Variants in NHSL1 observed in about 807,000 individuals in gnomAD.
NHSL1 encodes the protein NHS like 1, also known as NHS-like protein 1.
In NHSL1, 48 loss-of-function variants were observed where a neutral mutation model predicts 95.0. That is an observed-to-expected ratio of 0.51 (90% CI 0.40 to 0.64). The LOEUF is 0.64. Ranked by LOEUF, NHSL1 falls within the 30% of genes least tolerant of loss-of-function variation. The pLI is 0.00. For missense variants in NHSL1, 1,971 were observed against 2,077.7 expected, an observed-to-expected ratio of 0.95 and a Z score of 1.00; for synonymous variants, 783 against 833.9, an observed-to-expected ratio of 0.94 and a Z score of 1.05.
intron 1 of NHSL1, among the ~76,000 whole-genome samples, chr6:138,580,306 T>C (rs369219866): frequency 3.6e-4 from 55 of 152,316 alleles, no homozygotes; most frequent in Non-Finnish European, 4.0e-4. Context: ...AAATGTGTTG[T>C]AGGAGACAGA....
chr6:138,616,690 C>T (rs913477407), intron 1 of NHSL1, among the ~76,000 whole-genome samples: 3 of 152,124 alleles, frequency 2.0e-5, no homozygotes, highest in African/African-American at 7.2e-5. Context: ...CCTGACAACA[C>T]CTGAACCCAA....
intron 1 of NHSL1, among the ~76,000 whole-genome samples, chr6:138,664,910 T>A (rs576879721): frequency 1.3e-5 from 2 of 152,274 alleles, no homozygotes; most frequent in South Asian, 4.1e-4. Context: ...TAGCTTTTTA[T>A]CTTAAGACAT....
chr6:138,496,278 G>T lies in NHSL1; in HGVS notation c.152C>A (p.Pro51His), dbSNP rs1210240715. 1.9e-6 allele frequency: 3 copies of T among 1,550,846 alleles called. No homozygotes were observed. The highest frequency in any genetic ancestry group is 1.4e-5 in the African/African-American group (1 of 73,002). ...QENVFLPTTR[P>H]PCVEDLHRQA... Reference sequence around the variant, plus strand: ...GCGGTGCAGGTCCTCAACACAGGGGGGTCTTGTGGTGGGAAGGAACACATT... The same window carrying T: ...GCGGTGCAGGTCCTCAACACAGGGGTGTCTTGTGGTGGGAAGGAACACATT... The change falls in exon 2 of 8, where the codon CCC becomes CAC. Residue 51 changes from proline (P) to histidine (H), a missense_variant. Physicochemically the swap from Pro to His is moderately conservative, Grantham distance 77. This residue lies in a region of NHSL1 where 1,602 missense variants were observed against 1,654.5 expected (regional missense o/e 0.97). Transcript: ENST00000343505.
At chr6:138,425,633 G>A (rs569707826) in intron 7 of NHSL1, among the ~76,000 whole-genome samples, 137 of 152,234 alleles carry the variant, frequency 9.0e-4, no homozygotes, top group African/African-American at 3.2e-3. Flanking sequence ...GGGCTGATCC[G>A]GAGTGAATTT....
intron 1 of NHSL1, among the ~76,000 whole-genome samples, chr6:138,540,657 T>G (rs1401604474): frequency 6.6e-6 from 1 of 152,204 alleles, no homozygotes; most frequent in East Asian, 1.9e-4. Flanking sequence ...TAATATGAAC[T>G]GCCCTTGTGG....
chr6:138,436,671 G>T lies in NHSL1; in HGVS notation c.665-2991C>A, dbSNP rs1266329440. On this transcript the variant is annotated intron_variant, in intron 5 of 7. Transcript: ENST00000343505. ...TAGATGAAACGACCTTCTAGTGGAA[G>T]ATGTCATCTAGGACTTTCAAAGCTA... Among the ~76,000 whole-genome samples, 3 of 152,358 alleles carry T rather than the reference G, an allele frequency of 2.0e-5. No homozygotes were observed. The East Asian group carries it at 5.8e-4, about 29-fold the overall frequency.
chr6:138,514,192 C>A (rs1169401988), intron 1 of NHSL1, among the ~76,000 whole-genome samples: 2 of 152,038 alleles, frequency 1.3e-5, no homozygotes, highest in African/African-American at 4.8e-5. Flanking sequence ...GTGGTGAGCA[C>A]CTGTAGTGCC....
At chr6:138,491,879 C>A (rs1780098388) in intron 2 of NHSL1, among the ~76,000 whole-genome samples, 1 of 152,114 alleles carries the variant, frequency 6.6e-6, no homozygotes, top group South Asian at 2.1e-4. Flanking sequence ...ATGAGTACTT[C>A]CTTTGAGCAT....
rs185486821 is a variant in NHSL1 at position 138,598,561 on chromosome 6, C to A, written c.96+93915G>T. ...GCTTGAGCCCAGAAGTTTGAGGCTG[C>A]AGTGAGCCATGAACATGCCACTGCA... On this transcript the variant is annotated intron_variant, in intron 1 of 3. Coordinates refer to the NHSL1 transcript ENST00000491526. 2.0e-3 allele frequency among the ~76,000 whole-genome samples: 283 copies of A among 142,464 alleles called. 2 individuals are homozygous for A. Among genetic ancestry groups the A allele is most frequent in the East Asian group, 0.014 (67 of 4,794 alleles). 93.5% of individuals were successfully genotyped at this position (142,464 alleles called of 152,430 possible). A position where few individuals can be genotyped will look rare whatever the true frequency, so the allele number is the denominator to read the frequency against.
chr6:138,676,957 T>TCTG (rs1785457361), intron 1 of NHSL1, among the ~76,000 whole-genome samples: 1 of 152,212 alleles, frequency 6.6e-6, no homozygotes. Flanking sequence ...CCCCAGGCCA[T>TCTG]CTGCTGCCTT....
intron 1 of NHSL1, among the ~76,000 whole-genome samples, chr6:138,640,334 G>A (rs751132636): frequency 9.9e-5 from 15 of 152,092 alleles, no homozygotes; most frequent in Non-Finnish European, 1.9e-4. Context: ...GTACTTCTCA[G>A]CATTTTCACA....
At chr6:138,509,085 T>C (rs1781099185) in intron 1 of NHSL1, among the ~76,000 whole-genome samples, 1 of 152,184 alleles carries the variant, frequency 6.6e-6, no homozygotes, top group Non-Finnish European at 1.5e-5. Flanking sequence ...CCCAATTCAG[T>C]CATTCAAAAC....
chr6:138,628,701 T>C (rs1784776974), intron 1 of NHSL1, among the ~76,000 whole-genome samples: 1 of 152,186 alleles, frequency 6.6e-6, no homozygotes. Flanking sequence ...TGAGCTGAGA[T>C]TGCACCACTG....
At chr6:138,594,112 G>A (rs1278039220) in intron 1 of NHSL1, among the ~76,000 whole-genome samples, 1 of 152,194 alleles carries the variant, frequency 6.6e-6, no homozygotes, top group Non-Finnish European at 1.5e-5. Flanking sequence ...GTGGGGGTCA[G>A]TTTATTTTGA....
At chr6:138,436,008 G>A (rs1479610496) in intron 5 of NHSL1, among the ~76,000 whole-genome samples, 1 of 152,126 alleles carries the variant, frequency 6.6e-6, no homozygotes, top group Non-Finnish European at 1.5e-5. Flanking sequence ...TGTTCTGACT[G>A]CTCCACTGAC....
At chr6:138,443,830 C>CA (rs909468006) in intron 4 of NHSL1, among the ~76,000 whole-genome samples, 1 of 151,940 alleles carries the variant, frequency 6.6e-6, no homozygotes, top group African/African-American at 2.4e-5. Context: ...ACCTCCATAT[C>CA]AAAAAATAAA....
At chr6:138,670,139 A>G (rs1785345616) in intron 1 of NHSL1, among the ~76,000 whole-genome samples, 1 of 151,738 alleles carries the variant, frequency 6.6e-6, no homozygotes, top group Non-Finnish European at 1.5e-5. Context: ...AAATAAAAAT[A>G]AAATCAATCA....
intron 1 of NHSL1, among the ~76,000 whole-genome samples, chr6:138,621,115 G>A (rs994865911): frequency 3.9e-5 from 6 of 152,220 alleles, no homozygotes; most frequent in Admixed American, 2.0e-4. Flanking sequence ...GCATCCCCCA[G>A]ACACTGCTGC....
chr6:138,559,839 G>A (rs1783346663), intron 1 of NHSL1, among the ~76,000 whole-genome samples: 1 of 152,200 alleles, frequency 6.6e-6, no homozygotes, highest in Non-Finnish European at 1.5e-5. Flanking sequence ...TAGACACGCA[G>A]TAAAGGTAAA....
Sources: allele counts gnomAD v4.1 joint callset (sites outside exome capture counted in the v4.1 genomes callset), GRCh38; gene constraint gnomAD v4.1.1; regional missense constraint gnomAD v4.1.1; transcripts MANE v1.5; gene names NCBI Gene and HGNC (gene_info 2026-07-23, HGNC 2026-07-21).